Variants in LBP observed in about 807,000 individuals in gnomAD.
The protein encoded by LBP is lipopolysaccharide binding protein.
In LBP, 53 loss-of-function variants were observed where a neutral mutation model predicts 56.6. The observed-to-expected ratio is 0.94, with a 90% CI of 0.75 to 1.18. The LOEUF is 1.18. Ranked by LOEUF, LBP falls within the 50% of genes most tolerant of loss-of-function variation. LBP has a pLI of 0.00. For missense variants in LBP, 601 were observed against 598.3 expected (o/e 1.00, Z -0.05); for synonymous variants, 227 against 247.5 (o/e 0.92, Z 0.78).
chr20:38,376,830 C>T lies in LBP; in HGVS notation c.*161C>T, dbSNP rs768277831. On this transcript the variant is annotated 3_prime_UTR_variant, in exon 15 of 15. Transcript: ENST00000217407. ...CTGCCTCCACCCTCCTCCTCTTCACCAGGTGCATGCATGCCCTCTCTGAGT... is the reference window on the plus strand; with the variant it reads ...CTGCCTCCACCCTCCTCCTCTTCACTAGGTGCATGCATGCCCTCTCTGAGT... 17 of 749,924 alleles carry T rather than the reference C, an allele frequency of 2.3e-5. No individual in the cohort carries two copies. Among genetic ancestry groups the T allele is most frequent in the Non-Finnish European group, 3.6e-5 (15 of 419,912 alleles). The allele number at this position is 749,924 out of a possible 1,614,324, so 46.5% of individuals were successfully genotyped here.
chr20:38,364,852 T>C, intron 8 of LBP, 100 bp downstream of exon 8: 1 of 1,087,198 alleles, frequency 9.2e-7, no homozygotes, highest in Non-Finnish European at 1.3e-6. Context: ...AATAGTGAGT[T>C]ATAGCTAAGA....
chr20:38,368,998 G>A lies in LBP; in HGVS notation c.985G>A (p.Ala329Thr). The A allele has an allele frequency of 6.2e-7, 1 of 1,614,028 alleles. No homozygotes were observed. Among genetic ancestry groups the A allele is most frequent in the East Asian group, 2.2e-5 (1 of 44,884 alleles). ...KSFRPFVPRL[A>T]RLYPNMNLEL... ...AATCTCCTAATTCTGCTCCCAGTTA[G>A]CCAGGCTCTACCCCAACATGAACCT... The change falls in exon 10 of 15, where the codon GCC becomes ACC. Residue 329 changes from alanine (A) to threonine (T), a missense_variant. Ala to Thr is a moderately conservative substitution (Grantham distance 58). Coordinates refer to ENST00000217407, the MANE Select transcript of LBP (RefSeq NM_004139.5).
chr20:38,360,764 C>A lies in LBP; in HGVS notation c.649C>A (p.Pro217Thr). The A allele has an allele frequency of 1.2e-6, 2 of 1,606,502 alleles. No homozygotes were observed. Residue 217 changes from proline to threonine, a missense_variant, in exon 6 of 15, where the codon CCA becomes ACA. Physicochemically the swap from Pro to Thr is conservative, Grantham distance 38. Transcript: ENST00000217407. The stretch of plus-strand genomic sequence containing the variant: ...TCTACAGCCTTATCTCCAAACTCTG[C>A]CAGGTAGGACACCCCATCCATCCCG... ...SDLQPYLQTLPVTTEIDSFAD... is the reference protein window; with the variant it reads ...SDLQPYLQTLTVTTEIDSFAD...
At chr20:38,363,706 C>T (rs1454452338) in intron 6 of LBP, among the ~76,000 whole-genome samples, 2 of 152,118 alleles carry the variant, frequency 1.3e-5, no homozygotes, top group African/African-American at 2.4e-5. Context: ...AGCCTGGACT[C>T]ATGGTGTGTG....
chr20:38,373,089 GCTC>G lies in LBP; in HGVS notation c.1282_1284del (p.Leu428del). 6.2e-7 allele frequency: 1 copy of G among 1,613,872 alleles called. No individual in the cohort carries two copies. The highest frequency in any genetic ancestry group is 8.5e-7 in the Non-Finnish European group (1 of 1,179,764). ...TCTTCCAGGCAGAGCTGTTGGAAGC[GCTC>G]CTCAACTATTACATCCTTAACACCT... On this transcript the variant is annotated inframe_deletion, in exon 13 of 15. Coordinates refer to ENST00000217407, the MANE Select transcript of LBP (RefSeq NM_004139.5).
At chr20:38,369,204 A>G (rs1320949998) in intron 10 of LBP, 42 bp downstream of exon 10, 1 of 1,565,554 alleles carries the variant, frequency 6.4e-7, no homozygotes, top group Non-Finnish European at 8.7e-7. Context: ...CCTTTTCCCC[A>G]CATGCTTTTC....
At position 38,350,911 on chromosome 20, in the gene LBP, G is replaced by T; in HGVS notation, c.340G>T (p.Gly114Cys). Residue 114 changes from glycine (G) to cysteine (C), a missense_variant, in exon 3 of 15, where the codon GGC becomes TGC. Transcript: ENST00000217407. ...SISDSSIRVQ[G>C]RWKVRKSFFK... Reference sequence around the variant, plus strand: ...CTCCGACTCCTCCATCCGGGTCCAGGGCAGGTGGAAGGTGCGCAAGTCATT... The same window carrying T: ...CTCCGACTCCTCCATCCGGGTCCAGTGCAGGTGGAAGGTGCGCAAGTCATT... The T allele has an allele frequency of 7.4e-6, 12 of 1,614,044 alleles. No homozygotes were observed. Among genetic ancestry groups the T allele is most frequent in the Non-Finnish European group, 1.0e-5 (12 of 1,179,966 alleles).
intron 5 of LBP, among the ~76,000 whole-genome samples, chr20:38,359,333 C>G (rs2076851706): frequency 6.6e-6 from 1 of 152,148 alleles, no homozygotes; most frequent in East Asian, 1.9e-4. Flanking sequence ...GTAATCCCAG[C>G]ACTTTGGGAG....
At chr20:38,356,842 C>T (rs1209243128) in intron 5 of LBP, among the ~76,000 whole-genome samples, 2 of 152,072 alleles carry the variant, frequency 1.3e-5, no homozygotes, top group African/African-American at 2.4e-5. Flanking sequence ...TTCACGTGCA[C>T]AGTCCCTCTG....
At chr20:38,348,114 G>A (rs2076807206) in intron 1 of LBP, among the ~76,000 whole-genome samples, 2 of 152,166 alleles carry the variant, frequency 1.3e-5, no homozygotes, top group Non-Finnish European at 2.9e-5. Flanking sequence ...TGAAAGGGGA[G>A]GCTGCTGGTC....
At chr20:38,362,458 C>CAAA (rs2041025553) in intron 6 of LBP, among the ~76,000 whole-genome samples, 2 of 150,056 alleles carry the variant, frequency 1.3e-5, no homozygotes, top group Non-Finnish European at 3.0e-5. Context: ...ACTAAAAATA[C>CAAA]AAAAATTAGC....
chr20:38,369,394 A>G (rs1449561089), intron 10 of LBP, among the ~76,000 whole-genome samples: 1 of 152,142 alleles, frequency 6.6e-6, no homozygotes, highest in Non-Finnish European at 1.5e-5. Flanking sequence ...TTTACTACAA[A>G]GATACTTTGT....
chr20:38,357,440 G>A (rs1319597303), intron 5 of LBP, among the ~76,000 whole-genome samples: 2 of 152,128 alleles, frequency 1.3e-5, no homozygotes, highest in Non-Finnish European at 2.9e-5. Flanking sequence ...CCCCACTCAG[G>A]GTGGGATGTG....
In LBP at chr20:38,360,710, G is replaced by A. The variant is rs143141979; in HGVS notation, c.595G>A (p.Glu199Lys). The A allele has an allele frequency of 2.7e-4, 439 of 1,612,420 alleles. 1 individual carries two copies. The highest frequency in any genetic ancestry group is 3.4e-4 in the Non-Finnish European group (399 of 1,178,598). The change falls in exon 6 of 15, where the codon GAA (glutamate) becomes AAA (lysine). Residue 199 changes from glutamate to lysine, a missense_variant. Glu to Lys is a moderately conservative substitution (Grantham distance 56). Transcript: ENST00000217407. ...CTCTTCCCATGTTTTTCAGATTTGC[G>A]AAATGATCCAGAAATCAGTGTCCTC... ...FQKVLESRIC[E>K]MIQKSVSSDL...
chr20:38,366,439 T>C (rs1280421263), intron 8 of LBP, among the ~76,000 whole-genome samples: 1 of 152,148 alleles, frequency 6.6e-6, no homozygotes, highest in African/African-American at 2.4e-5. Flanking sequence ...ATTTTATGGA[T>C]AAGGAAGTTG....
intron 9 of LBP, 71 bp from the exon 10 acceptor site, chr20:38,368,924 C>G: frequency 1.4e-6 from 2 of 1,452,262 alleles, no homozygotes; most frequent in Non-Finnish European, 1.9e-6. Flanking sequence ...CTTTATCTGA[C>G]TCCCTCAGGC....
At chr20:38,359,303 G>A (rs1405190190) in intron 5 of LBP, among the ~76,000 whole-genome samples, 2 of 152,070 alleles carry the variant, frequency 1.3e-5, no homozygotes, top group African/African-American at 2.4e-5. Flanking sequence ...AGCTGGGGCC[G>A]GGCATGGTGG....
At chr20:38,353,929 C>G (rs142938394) in intron 3 of LBP, among the ~76,000 whole-genome samples, 30 of 151,584 alleles carry the variant, frequency 2.0e-4, no homozygotes, top group African/African-American at 6.8e-4. Flanking sequence ...GAAATAAGCC[C>G]ATATATTAAG....
chr20:38,361,876 T>G (rs2076861386), intron 6 of LBP, among the ~76,000 whole-genome samples: 1 of 151,510 alleles, frequency 6.6e-6, no homozygotes, highest in South Asian at 2.1e-4. Flanking sequence ...TGCCCAGCCC[T>G]CCAGGGTCAC....
Sources: gnomAD v4.1 joint callset for allele counts (sites outside exome capture counted in the v4.1 genomes callset) on GRCh38, gnomAD v4.1.1 for gene constraint, MANE v1.5 for transcripts, NCBI Gene and HGNC (gene_info 2026-07-23, HGNC 2026-07-21) for gene names.